The following NBAS variants were observed in gnomAD, a reference collection of about 807,000 sequenced individuals.
NBAS encodes NAG/BC035112 fusion.
In NBAS, 219 loss-of-function variants were observed where a neutral mutation model predicts 302.5. The ratio of observed to expected loss-of-function variants is 0.72; its 90% CI spans 0.65 to 0.81. NBAS has a LOEUF of 0.81. NBAS is among the 30% of genes least tolerant of loss of function. The probability of loss-of-function intolerance (pLI) is 0.00; values close to 1 mark genes in which losing one functional copy is unlikely to be tolerated. For missense variants in NBAS, 2,932 were observed against 2,841.6 expected (o/e 1.03, Z -0.72); for synonymous variants, 1,118 against 1,021.6 (o/e 1.09, Z -1.80).
At chr2:15,504,047 G>A in intron 11 of NBAS, 98 bp downstream of exon 11, 2 of 899,998 alleles carry the variant, frequency 2.2e-6, no homozygotes, top group Non-Finnish European at 1.9e-6. Context: ...CTCAGATGAA[G>A]ATACAAAAAA....
chr2:15,011,545 G>T, the NBAS span, among the ~76,000 whole-genome samples: 36 of 151,996 alleles, frequency 2.4e-4, no homozygotes, highest in African/African-American at 8.2e-4. Flanking sequence ...CCCATATCCT[G>T]GGCCTGAGAA....
intron 8 of NBAS, among the ~76,000 whole-genome samples, chr2:15,535,160 C>T (rs905983700): frequency 6.6e-6 from 1 of 152,096 alleles, no homozygotes; most frequent in Admixed American, 6.6e-5. Context: ...CCTAGGCATC[C>T]CTGGGGAACT....
intron 28 of NBAS, among the ~76,000 whole-genome samples, chr2:15,389,808 G>A (rs996180600): frequency 6.6e-6 from 1 of 152,136 alleles, no homozygotes; most frequent in African/African-American, 2.4e-5. Flanking sequence ...ACCCAGACTG[G>A]AGTGCAGTGG....
intron 21 of NBAS, among the ~76,000 whole-genome samples, chr2:15,428,039 A>C (rs1677568131): frequency 6.6e-6 from 1 of 152,244 alleles, no homozygotes; most frequent in South Asian, 2.1e-4. Flanking sequence ...TAATTAAAGG[A>C]AGGTATGGAT....
the NBAS span, among the ~76,000 whole-genome samples, chr2:15,131,971 C>T: frequency 3.9e-5 from 6 of 152,178 alleles, no homozygotes; most frequent in Admixed American, 6.5e-5. Flanking sequence ...GGATCCACCC[C>T]GTGGTCCAAA....
At chr2:15,539,071 A>G in intron 7 of NBAS, 152 bp downstream of exon 7, 1 of 1,029,334 alleles carries the variant, frequency 9.7e-7, no homozygotes, top group Non-Finnish European at 1.4e-6. Flanking sequence ...GCATGCATAC[A>G]GATTTCTAAC....
the NBAS span, among the ~76,000 whole-genome samples, chr2:14,817,431 C>A: frequency 1.3e-5 from 2 of 152,142 alleles, no homozygotes; most frequent in African/African-American, 4.8e-5. Context: ...TGTTTGTCTG[C>A]CTGTCTTCTG....
chr2:15,447,956 C>G (rs141362395), intron 21 of NBAS, among the ~76,000 whole-genome samples: 1 of 152,226 alleles, frequency 6.6e-6, no homozygotes, highest in Non-Finnish European at 1.5e-5. Context: ...GTCACTGTGA[C>G]CCTCAGAGGG....
the NBAS span, among the ~76,000 whole-genome samples, chr2:14,952,503 G>A: frequency 6.6e-6 from 1 of 152,208 alleles, no homozygotes; most frequent in African/African-American, 2.4e-5. Context: ...AGAAAGAACA[G>A]AAAACAGAAG....
At chr2:15,124,328 T>G in the NBAS span, among the ~76,000 whole-genome samples, 1 of 152,184 alleles carries the variant, frequency 6.6e-6, no homozygotes, top group Non-Finnish European at 1.5e-5. Flanking sequence ...TAGTTGCTTC[T>G]AACAGCCTAC....
the NBAS span, among the ~76,000 whole-genome samples, chr2:14,786,765 A>G: frequency 0.054 from 8,185 of 151,950 alleles, 226 homozygotes; most frequent in Non-Finnish European, 0.06. Context: ...TTTGGAATAG[A>G]TGTGGTGTGG....
chr2:14,798,417 G>A, the NBAS span, among the ~76,000 whole-genome samples: 82 of 152,182 alleles, frequency 5.4e-4, 1 homozygote, highest in African/African-American at 1.8e-3. Context: ...ACTTGCATTC[G>A]TAGAAAAAAC....
the NBAS span, among the ~76,000 whole-genome samples, chr2:15,144,780 G>A: frequency 2.0e-5 from 3 of 152,192 alleles, no homozygotes; most frequent in East Asian, 5.8e-4. Flanking sequence ...CATATGTTAC[G>A]ATACAGGTGG....
intron 21 of NBAS, among the ~76,000 whole-genome samples, chr2:15,435,168 G>C (rs777313848): frequency 5.3e-5 from 8 of 152,200 alleles, no homozygotes; most frequent in Non-Finnish European, 8.8e-5. Flanking sequence ...ACCTATGTGA[G>C]TATGTAGTGC....
chr2:14,850,181 C>A, the NBAS span, among the ~76,000 whole-genome samples: 2 of 134,552 alleles, frequency 1.5e-5, no homozygotes, highest in Non-Finnish European at 3.0e-5. Context: ...ATTCAGGAAA[C>A]CCATCTCACG....
chr2:14,891,475 G>A, the NBAS span, among the ~76,000 whole-genome samples: 26 of 152,192 alleles, frequency 1.7e-4, no homozygotes, highest in African/African-American at 5.5e-4. Context: ...AATGGATCAC[G>A]TCAGTTCATA....
At chr2:15,384,532 C>A (rs913659935) in intron 28 of NBAS, among the ~76,000 whole-genome samples, 1 of 150,906 alleles carries the variant, frequency 6.6e-6, no homozygotes, top group Non-Finnish European at 1.5e-5. Flanking sequence ...AGACCCCCCC[C>A]CCATTTTTCT....
intron 26 of NBAS, 24 bp downstream of exon 26, chr2:15,402,144 G>C (rs946255981): frequency 1.2e-6 from 2 of 1,612,742 alleles, no homozygotes; most frequent in Non-Finnish European, 1.7e-6. Context: ...AACACAATAA[G>C]ACTGGCATAC....
chr2:15,417,829 AC>A, intron 23 of NBAS, 117 bp from the exon 24 acceptor site: 1 of 992,572 alleles, frequency 1.0e-6, no homozygotes, highest in Non-Finnish European at 1.5e-6. Flanking sequence ...AAATTGCATT[AC>A]CAGTAACATA....
Sources: gnomAD v4.1 joint callset for allele counts (sites outside exome capture counted in the v4.1 genomes callset) on GRCh38, gnomAD v4.1.1 for gene constraint, MANE v1.5 for transcripts, NCBI Gene and HGNC (gene_info 2026-07-23, HGNC 2026-07-21) for gene names.